Variants in FHL2 observed in about 807,000 individuals in gnomAD.
FHL2 encodes the protein four and a half LIM domains 2.
FHL2 carries 20 observed loss-of-function variants against 32.7 expected under a neutral mutation model. The ratio of observed to expected loss-of-function variants is 0.61; its 90% CI spans 0.43 to 0.89. FHL2 has a LOEUF of 0.89. Ranked by LOEUF, FHL2 falls within the 40% of genes least tolerant of loss-of-function variation. The pLI, the probability that FHL2 is intolerant of heterozygous loss-of-function variation, is 0.00. For missense variants in FHL2, 311 were observed against 358.6 expected (o/e 0.87, Z 1.07); for synonymous variants, 123 against 128.1 (o/e 0.96, Z 0.27).
chr2:105,367,437 G>A, intron 5 of FHL2, 133 bp downstream of exon 5: 1 of 849,938 alleles, frequency 1.2e-6, no homozygotes, highest in Non-Finnish European at 1.9e-6. Context: ...CAGAATGTAA[G>A]GCAGGACAGG....
chr2:105,361,253 A>C lies in FHL2; in HGVS notation c.*30T>G, dbSNP rs368824523. 2.5e-6 allele frequency: 4 copies of C among 1,597,382 alleles called. No individual in the cohort carries two copies. The African/African-American group carries it at 5.4e-5, about 21-fold the overall frequency. ...GAAAACATAAAAATCTGTGTGTGAG[A>C]TCACAAGCAGCAACTTCTCTGTGTT... On this transcript the variant is annotated 3_prime_UTR_variant, in exon 7 of 7. Coordinates refer to ENST00000530340, the MANE Select transcript of FHL2 (RefSeq NM_001318895.3).
chr2:105,436,779 T>A (rs999369921), intron 1 of FHL2, among the ~76,000 whole-genome samples: 3 of 152,234 alleles, frequency 2.0e-5, no homozygotes, highest in African/African-American at 7.2e-5. Context: ...AGACTATATA[T>A]GATTTTCCAT....
intron 1 of FHL2, among the ~76,000 whole-genome samples, chr2:105,432,844 G>A (rs1275488989): frequency 6.6e-6 from 1 of 152,170 alleles, no homozygotes; most frequent in African/African-American, 2.4e-5. Flanking sequence ...TAAAAAACAC[G>A]TCCTTGTGCT....
intron 1 of FHL2, among the ~76,000 whole-genome samples, chr2:105,413,123 G>A (rs1025113501): frequency 6.6e-6 from 1 of 152,150 alleles, no homozygotes; most frequent in Non-Finnish European, 1.5e-5. Context: ...CTTCCACCAG[G>A]CTGCCTCCTG....
At chr2:105,395,173 A>G (rs1039046340) in intron 2 of FHL2, among the ~76,000 whole-genome samples, 3 of 152,240 alleles carry the variant, frequency 2.0e-5, no homozygotes, top group Admixed American at 6.5e-5. Context: ...AATCACCTTT[A>G]AGATCCCATC....
chr2:105,394,462 A>C (rs916342681), intron 2 of FHL2, among the ~76,000 whole-genome samples: 3 of 151,990 alleles, frequency 2.0e-5, no homozygotes, highest in African/African-American at 7.3e-5. Flanking sequence ...AGTCCTAGCT[A>C]CCTGGGAGAC....
intron 5 of FHL2, among the ~76,000 whole-genome samples, chr2:105,366,369 A>C (rs1680635236): frequency 6.6e-6 from 1 of 152,198 alleles, no homozygotes; most frequent in Non-Finnish European, 1.5e-5. Context: ...GCCCAGACGC[A>C]AGGGTAGAGG....
At chr2:105,365,424 A>G (rs1418115950) in intron 5 of FHL2, among the ~76,000 whole-genome samples, 3 of 152,258 alleles carry the variant, frequency 2.0e-5, no homozygotes, top group Non-Finnish European at 4.4e-5. Flanking sequence ...GCATCCCAGA[A>G]GGATGTGTTG....
At chr2:105,384,157 G>C (rs1558700885) in intron 3 of FHL2, among the ~76,000 whole-genome samples, 1 of 152,182 alleles carries the variant, frequency 6.6e-6, no homozygotes, top group Non-Finnish European at 1.5e-5. Flanking sequence ...ATCTGTCCTT[G>C]AAAGTGAGAC....
At chr2:105,362,421 A>G (rs1029435129) in intron 6 of FHL2, among the ~76,000 whole-genome samples, 1 of 152,208 alleles carries the variant, frequency 6.6e-6, no homozygotes, top group African/African-American at 2.4e-5. Flanking sequence ...CCTAAGGGAA[A>G]GGAAAGTCAA....
At chr2:105,414,587 C>G (rs1683881043) in intron 1 of FHL2, among the ~76,000 whole-genome samples, 2 of 152,234 alleles carry the variant, frequency 1.3e-5, no homozygotes, top group Admixed American at 1.3e-4. Context: ...GAGTCTCGCT[C>G]TGTCGCCCAG....
chr2:105,408,382 C>T (rs1336688296), intron 1 of FHL2, among the ~76,000 whole-genome samples: 4 of 152,176 alleles, frequency 2.6e-5, no homozygotes, highest in Non-Finnish European at 4.4e-5. Flanking sequence ...TGGGAATTTC[C>T]AAGTCATGTA....
rs145276229 is a variant in FHL2 at position 105,408,474 on chromosome 2, A to G, written c.-24-21934T>C. Among the ~76,000 whole-genome samples the G allele has an allele frequency of 4.2e-4, 64 of 152,324 alleles. 1 individual carries two copies. The highest frequency in any genetic ancestry group is 1.5e-3 in the African/African-American group (64 of 41,578). ...CTGGAACCAGCACTTTGGCACTTGCAGAATCACAGCCTTCCCTTCACAGCC... is the reference window on the plus strand; with the variant it reads ...CTGGAACCAGCACTTTGGCACTTGCGGAATCACAGCCTTCCCTTCACAGCC... On this transcript the variant is annotated intron_variant, in intron 1 of 5. Transcript: ENST00000393352.
intron 1 of FHL2, among the ~76,000 whole-genome samples, chr2:105,436,448 A>G (rs1684614262): frequency 6.6e-6 from 1 of 152,242 alleles, no homozygotes; most frequent in Admixed American, 6.5e-5. Flanking sequence ...CAAATTGGTC[A>G]TAATGATATA....
At chr2:105,413,465 T>C (rs1363400240) in intron 1 of FHL2, among the ~76,000 whole-genome samples, 5 of 151,692 alleles carry the variant, frequency 3.3e-5, no homozygotes, top group South Asian at 2.1e-4. Flanking sequence ...CTTTGTAAGA[T>C]ATCAGAAAAA....
At chr2:105,369,971 C>CGGCAGGTGGCAGGA in intron 4 of FHL2, among the ~76,000 whole-genome samples, 2 of 152,324 alleles carry the variant, frequency 1.3e-5, no homozygotes, top group South Asian at 4.1e-4. Flanking sequence ...GCAGCAATAC[C>CGGCAGGTGGCAGGA]GGCAGGTGGC....
intron 3 of FHL2, among the ~76,000 whole-genome samples, chr2:105,380,622 T>A (rs763709916): frequency 6.6e-6 from 1 of 152,232 alleles, no homozygotes; most frequent in South Asian, 2.1e-4. Flanking sequence ...ATTTCATTAG[T>A]ACTCCATTGT....
intron 2 of FHL2, among the ~76,000 whole-genome samples, chr2:105,393,721 A>C (rs888148613): frequency 5.3e-5 from 8 of 152,270 alleles, no homozygotes; most frequent in Non-Finnish European, 7.3e-5. Flanking sequence ...ATGAAAAATT[A>C]GAAACATATT....
At chr2:105,392,835 T>C (rs1205306113) in intron 2 of FHL2, among the ~76,000 whole-genome samples, 3 of 104,590 alleles carry the variant, frequency 2.9e-5, no homozygotes, top group African/African-American at 7.0e-5. Context: ...TTTTTTTTTT[T>C]TCTTGAGACA....
Sources: allele counts gnomAD v4.1 joint callset (sites outside exome capture counted in the v4.1 genomes callset), GRCh38; gene constraint gnomAD v4.1.1; transcripts MANE v1.5; gene names NCBI Gene and HGNC (gene_info 2026-07-23, HGNC 2026-07-21).